WASF3: variants seen among roughly 807,000 people sequenced by gnomAD.
WASF3 encodes the protein actin-binding protein WASF3.
In WASF3, 11 loss-of-function variants were observed where a neutral mutation model predicts 46.6. The observed-to-expected ratio is 0.24, with a 90% confidence interval of 0.15 to 0.39. WASF3 has a LOEUF of 0.39. Ranked by LOEUF, WASF3 falls within the 10% of genes least tolerant of loss-of-function variation. The probability of loss-of-function intolerance (pLI) is 1.00; values close to 1 mark genes in which losing one functional copy is unlikely to be tolerated. For synonymous variants in WASF3, 242 were observed against 259.7 expected, an observed-to-expected ratio of 0.93 and a Z score of 0.65; for missense variants, 576 against 669.8, an observed-to-expected ratio of 0.86 and a Z score of 1.55.
intron 1 of WASF3, among the ~76,000 whole-genome samples, chr13:26,573,069 A>G (rs896629660): frequency 2.2e-4 from 33 of 152,276 alleles, no homozygotes; most frequent in African/African-American, 7.0e-4. Flanking sequence ...TCTGGTTTGT[A>G]TAGGTTTGAT....
chr13:26,664,116 G>A (rs750601969), intron 3 of WASF3, among the ~76,000 whole-genome samples: 4 of 152,148 alleles, frequency 2.6e-5, no homozygotes, highest in Non-Finnish European at 5.9e-5. Flanking sequence ...TGAAAGCAGC[G>A]TATAAACTAT....
the WASF3 span, among the ~76,000 whole-genome samples, chr13:26,547,748 C>T: frequency 7.2e-5 from 11 of 152,280 alleles, no homozygotes; most frequent in East Asian, 1.9e-4. Context: ...TCCACTGAAT[C>T]GCAAGTTCCT....
intron 3 of WASF3, among the ~76,000 whole-genome samples, chr13:26,648,504 C>T (rs61945620): frequency 2.0e-5 from 3 of 152,034 alleles, no homozygotes; most frequent in Admixed American, 1.3e-4. Flanking sequence ...TAAAGGCATG[C>T]GCTGAATAAC....
intron 1 of WASF3, among the ~76,000 whole-genome samples, chr13:26,605,853 T>C (rs540860795): frequency 6.6e-6 from 1 of 152,182 alleles, no homozygotes; most frequent in South Asian, 2.1e-4. Context: ...AATGAATAAC[T>C]AGGCAAATGC....
At chr13:26,572,833 G>A (rs1333466371) in intron 1 of WASF3, among the ~76,000 whole-genome samples, 2 of 152,120 alleles carry the variant, frequency 1.3e-5, no homozygotes, top group Non-Finnish European at 2.9e-5. Context: ...GATTACAGGC[G>A]GGAGCCACCG....
intron 2 of WASF3, chr13:26,641,284 T>G (rs1481936171): frequency 7.2e-5 from 11 of 152,308 alleles, no homozygotes; most frequent in African/African-American, 2.6e-4. Flanking sequence ...ACCTGGTGCC[T>G]CCTACTCCTG....
At chr13:26,544,090 C>CA in the WASF3 span, among the ~76,000 whole-genome samples, 1 of 152,060 alleles carries the variant, frequency 6.6e-6, no homozygotes, top group African/African-American at 2.4e-5. Flanking sequence ...GAAGAATTCA[C>CA]AAAAATTCTA....
In WASF3 at chr13:26,590,005, T is replaced by C. The variant is rs576705716; in HGVS notation, c.-108-22956T>C. On this transcript the variant is annotated intron_variant, in intron 1 of 9. Coordinates refer to ENST00000335327, the MANE Select transcript of WASF3 (RefSeq NM_006646.6). ...ATGAACATGCTTTTGCTTTTCTATG[T>C]GTAACTTCCCCTTCCCCTTTGAAAC... is the stretch of plus-strand genomic sequence containing the variant. 3.9e-5 allele frequency among the ~76,000 whole-genome samples: 6 copies of C among 152,388 alleles called. No homozygotes were observed. In the East Asian group the frequency reaches 7.7e-4, roughly 20 times the overall value.
chr13:26,632,654 C>G (rs1245798271), intron 2 of WASF3, among the ~76,000 whole-genome samples: 1 of 152,150 alleles, frequency 6.6e-6, no homozygotes, highest in East Asian at 1.9e-4. Flanking sequence ...GTGTCTCTGC[C>G]AGGCTTTGGT....
At chr13:26,577,118 A>T in intron 1 of WASF3, 1 of 785,298 alleles carries the variant, frequency 1.3e-6, no homozygotes, top group Non-Finnish European at 2.3e-6. Context: ...CAGAAAGATG[A>T]GATTGCATTT....
rs1399571022 is a variant in WASF3 at position 26,682,198 on chromosome 13, G to C, written c.984-409G>C. Among the ~76,000 whole-genome samples, 1 of 152,218 alleles carries C rather than the reference G, an allele frequency of 6.6e-6. No homozygotes were observed. Among genetic ancestry groups the C allele is most frequent in the African/African-American group, 2.4e-5 (1 of 41,466 alleles). ...GCAGGCATGGGGCATTTCCACGGAGGTGGGTTAGAGAATGTAGAAAGCTCC... is the reference window on the plus strand; with the variant it reads ...GCAGGCATGGGGCATTTCCACGGAGCTGGGTTAGAGAATGTAGAAAGCTCC... On this transcript the variant is annotated intron_variant, in intron 8 of 9. Coordinates refer to ENST00000335327, the MANE Select transcript of WASF3 (RefSeq NM_006646.6). The surrounding 1 kb of genome is among the most constrained non-coding windows in gnomAD (Gnocchi z 4.4).
At chr13:26,551,845 C>T in the WASF3 span, among the ~76,000 whole-genome samples, 25 of 152,202 alleles carry the variant, frequency 1.6e-4, no homozygotes, top group Admixed American at 6.5e-4. Context: ...GAGACTCTGA[C>T]GGTTTTTGAG....
chr13:26,666,625 C>T (rs1173737533), intron 4 of WASF3, among the ~76,000 whole-genome samples: 7 of 152,146 alleles, frequency 4.6e-5, no homozygotes, highest in African/African-American at 1.2e-4. Flanking sequence ...GTTGGCTGGG[C>T]GCGGTGGCTC....
At position 26,665,296 on chromosome 13, in the gene WASF3, G is replaced by T. The variant is rs535786625; in HGVS notation, c.268+134G>T. 8 of 1,125,006 alleles carry T rather than the reference G, an allele frequency of 7.1e-6. No individual in the cohort carries two copies. In the Admixed American group the frequency reaches 1.8e-4, roughly 25 times the overall value. The allele number at this position is 1,125,006 out of a possible 1,614,324, so 69.7% of individuals were successfully genotyped here. A position where few individuals can be genotyped will look rare whatever the true frequency, so the allele number is the denominator to read the frequency against. ...ATCTTGTCTTTCCTAGAAGAATAGC[G>T]AGGGGGAAAAACCTACAACTTTGTG... On this transcript the variant is annotated intron_variant, in intron 4 of 9. Transcript: ENST00000335327.
chr13:26,664,925 C>G, intron 3 of WASF3, 103 bp from the exon 4 acceptor site: 1 of 1,266,434 alleles, frequency 7.9e-7, no homozygotes, highest in South Asian at 1.4e-5. Flanking sequence ...CTCGTTTGCA[C>G]AAAATCCCAC....
chr13:26,635,794 G>A (rs533617064), intron 2 of WASF3, among the ~76,000 whole-genome samples: 13 of 152,344 alleles, frequency 8.5e-5, no homozygotes, highest in African/African-American at 3.1e-4. Context: ...ACTCCAGACC[G>A]TGTTTGCCTA....
intron 2 of WASF3, among the ~76,000 whole-genome samples, chr13:26,630,573 G>A (rs1049024588): frequency 6.6e-6 from 1 of 152,166 alleles, no homozygotes; most frequent in Non-Finnish European, 1.5e-5. Context: ...TGGACATTTG[G>A]GTTGGTTCCA....
intron 2 of WASF3, among the ~76,000 whole-genome samples, chr13:26,639,062 A>G (rs1395089821): frequency 6.6e-6 from 1 of 152,180 alleles, no homozygotes; most frequent in Non-Finnish European, 1.5e-5. Context: ...TCATAAGCCA[A>G]ATAAACCTCT....
chr13:26,580,880 C>T (rs367847878), intron 1 of WASF3, among the ~76,000 whole-genome samples: 3 of 151,768 alleles, frequency 2.0e-5, no homozygotes, highest in East Asian at 1.9e-4. Context: ...CCAGCTCGGC[C>T]TCCCAAAGTG....
Sources: allele counts gnomAD v4.1 joint callset (sites outside exome capture counted in the v4.1 genomes callset), GRCh38; gene constraint gnomAD v4.1.1; non-coding constraint Gnocchi (gnomAD v3.1); transcripts MANE v1.5; gene names NCBI Gene and HGNC (gene_info 2026-07-23, HGNC 2026-07-21).